WDR49: variants seen among roughly 807,000 people sequenced by gnomAD.
The protein encoded by WDR49 is WD repeat domain 49, also known as cilia- and flagella-associated protein 337.
WDR49 carries 107 observed loss-of-function variants against 119.5 expected under a neutral mutation model. The ratio of observed to expected loss-of-function variants is 0.90; its 90% CI spans 0.77 to 1.05. WDR49 has a LOEUF of 1.05. Among genes scored for constraint, WDR49 ranks in the 50% least tolerant of loss-of-function variants. The probability of loss-of-function intolerance (pLI) is 0.00; values close to 1 mark genes in which losing one functional copy is unlikely to be tolerated. For synonymous variants in WDR49, 425 were observed against 418.8 expected, an observed-to-expected ratio of 1.01 and a Z score of -0.18; for missense variants, 1,240 against 1,220.5, an observed-to-expected ratio of 1.02 and a Z score of -0.24.
chr3:167,588,674 G>T (rs936828416), intron 7 of WDR49, among the ~76,000 whole-genome samples: 17 of 152,146 alleles, frequency 1.1e-4, no homozygotes, highest in African/African-American at 3.9e-4. Context: ...ATTTTGATTT[G>T]CATTTCTCTG....
rs567225521 is a variant in WDR49, at chr3:167,537,179, T to G, written c.1824-179A>C. 1.3e-4 allele frequency among the ~76,000 whole-genome samples: 20 copies of G among 152,284 alleles called. No homozygotes were observed. In the South Asian group the frequency reaches 3.9e-3, roughly 30 times the overall value. On this transcript the variant is annotated intron_variant, in intron 10 of 18. Coordinates refer to ENST00000682715, the MANE Select transcript of WDR49 (RefSeq NM_001366157.1). ...ACACTAAACATTTTTATTACCTCAT[T>G]AAATTATCTGGTAAATTATAAATTT... is the stretch of plus-strand genomic sequence containing the variant.
At chr3:167,492,815 T>C (rs920342114) in intron 18 of WDR49, among the ~76,000 whole-genome samples, 20 of 151,818 alleles carry the variant, frequency 1.3e-4, no homozygotes, top group Admixed American at 3.9e-4. Flanking sequence ...TAAATTGTAA[T>C]TCCCACCCCC....
At chr3:167,528,301 T>A (rs1365108481) in intron 14 of WDR49, among the ~76,000 whole-genome samples, 1 of 151,916 alleles carries the variant, frequency 6.6e-6, no homozygotes, top group African/African-American at 2.4e-5. Flanking sequence ...AGAGATGAAC[T>A]TTACCACATA....
chr3:167,564,672 T>C (rs1177513539), intron 8 of WDR49, among the ~76,000 whole-genome samples: 2 of 152,206 alleles, frequency 1.3e-5, no homozygotes, highest in Non-Finnish European at 2.9e-5. Flanking sequence ...CACATGGGCC[T>C]CCTCAGTAGA....
Position 167,540,376 on chromosome 3 carries a change from C to T in WDR49, c.1824-3376G>A, listed in dbSNP as rs182348698. ...ATCACATCAGAGGACTCTTTGCAGA[C>T]ACTCCCCAGCACCAGCCCAAAGGCT... On this transcript the variant is annotated intron_variant, in intron 10 of 18. Coordinates refer to ENST00000682715, the MANE Select transcript of WDR49 (RefSeq NM_001366157.1). 1.3e-4 allele frequency among the ~76,000 whole-genome samples: 20 copies of T among 152,254 alleles called. No homozygotes were observed. In the East Asian group the frequency reaches 3.9e-3, roughly 29 times the overall value.
chr3:167,637,953 C>A (rs1020503212), intron 2 of WDR49, among the ~76,000 whole-genome samples: 10 of 151,514 alleles, frequency 6.6e-5, no homozygotes, highest in African/African-American at 2.4e-4. Flanking sequence ...AGTTTGACTT[C>A]CTCTTTACCA....
intron 5 of WDR49, among the ~76,000 whole-genome samples, chr3:167,615,386 T>G (rs1200856885): frequency 6.6e-6 from 1 of 150,782 alleles, no homozygotes; most frequent in Non-Finnish European, 1.5e-5. Context: ...TCTATCCACC[T>G]TGGCCTCCTA....
chr3:167,634,859 C>G (rs929613750), intron 2 of WDR49, among the ~76,000 whole-genome samples: 7 of 151,758 alleles, frequency 4.6e-5, no homozygotes, highest in Non-Finnish European at 4.4e-5. Context: ...ATAATGCCAT[C>G]AGCCTTTCAG....
chr3:167,524,809 C>T (rs999280415), intron 15 of WDR49, among the ~76,000 whole-genome samples: 6 of 152,020 alleles, frequency 3.9e-5, no homozygotes, highest in Non-Finnish European at 8.8e-5. Flanking sequence ...GTTACTGTAG[C>T]CTTGTAGTAT....
intron 10 of WDR49, among the ~76,000 whole-genome samples, chr3:167,548,997 C>A (rs559332212): frequency 6.6e-6 from 1 of 152,224 alleles, no homozygotes; most frequent in South Asian, 2.1e-4. Context: ...CCAGCTTCAT[C>A]CATGTACCTA....
At chr3:167,616,094 G>A (rs1187850567) in intron 5 of WDR49, among the ~76,000 whole-genome samples, 1 of 152,192 alleles carries the variant, frequency 6.6e-6, no homozygotes, top group East Asian at 1.9e-4. Context: ...ATATGCCAGT[G>A]CTTACTATGG....
chr3:167,570,170 G>C (rs953958469), intron 8 of WDR49, among the ~76,000 whole-genome samples: 14 of 151,746 alleles, frequency 9.2e-5, no homozygotes, highest in Admixed American at 1.3e-4. Context: ...CCAGCAAAGA[G>C]GCAGGAAAGG....
At chr3:167,545,500 T>C in intron 10 of WDR49, among the ~76,000 whole-genome samples, 1 of 130,994 alleles carries the variant, frequency 7.6e-6, no homozygotes, top group Non-Finnish European at 1.7e-5. Context: ...ATATATTATA[T>C]ATTATATATT....
chr3:167,567,540 T>C (rs1713679922), intron 8 of WDR49, among the ~76,000 whole-genome samples: 1 of 152,234 alleles, frequency 6.6e-6, no homozygotes. Flanking sequence ...TGACTTTTTC[T>C]ATAACAATGA....
intron 2 of WDR49, among the ~76,000 whole-genome samples, chr3:167,641,857 G>C (rs1717896645): frequency 6.6e-6 from 1 of 151,582 alleles, no homozygotes; most frequent in Admixed American, 6.6e-5. Flanking sequence ...CTTATATAGA[G>C]ATACATTGTT....
intron 7 of WDR49, among the ~76,000 whole-genome samples, chr3:167,578,271 C>T (rs1323345214): frequency 6.6e-6 from 1 of 152,124 alleles, no homozygotes; most frequent in Non-Finnish European, 1.5e-5. Flanking sequence ...CTTTTAAAAA[C>T]CATGGTAAGA....
chr3:167,530,278 T>C (rs1752800175), intron 13 of WDR49, among the ~76,000 whole-genome samples: 1 of 152,090 alleles, frequency 6.6e-6, no homozygotes, highest in Non-Finnish European at 1.5e-5. Context: ...GTTCATTTCC[T>C]TTTCAAATAC....
At chr3:167,633,531 T>A (rs1296447323) in intron 2 of WDR49, 1 of 447,374 alleles carries the variant, frequency 2.2e-6, no homozygotes, top group Non-Finnish European at 4.5e-6. Flanking sequence ...AATATCCCCA[T>A]CCTGGACTTG....
chr3:167,622,980 C>A (rs1716940124), intron 3 of WDR49, among the ~76,000 whole-genome samples: 1 of 151,876 alleles, frequency 6.6e-6, no homozygotes, highest in South Asian at 2.1e-4. Context: ...ACCAATGGGT[C>A]AAAGAAGAAA....
Sources: allele counts gnomAD v4.1 joint callset (sites outside exome capture counted in the v4.1 genomes callset), GRCh38; gene constraint gnomAD v4.1.1; transcripts MANE v1.5; gene names NCBI Gene and HGNC (gene_info 2026-07-23, HGNC 2026-07-21).